PLCB1: variants seen among roughly 807,000 people sequenced by gnomAD.
PLCB1 encodes the protein 1-phosphatidylinositol 4,5-bisphosphate phosphodiesterase beta-1.
Under a neutral mutation model 161.8 loss-of-function variants are expected in PLCB1, and 46 were observed. That is an observed-to-expected ratio of 0.28 (90% CI 0.22 to 0.36). The LOEUF (loss-of-function observed/expected upper bound fraction) is 0.36. PLCB1 is among the 10% of genes least tolerant of loss of function. PLCB1 has a pLI of 1.00. For missense variants in PLCB1, 1,016 were observed against 1,472.5 expected, an observed-to-expected ratio of 0.69 and a Z score of 5.07; for synonymous variants, 517 against 503.7, an observed-to-expected ratio of 1.03 and a Z score of -0.35.
intron 3 of PLCB1, among the ~76,000 whole-genome samples, chr20:8,417,358 C>A (rs187646829): frequency 6.6e-6 from 1 of 150,966 alleles, no homozygotes; most frequent in African/African-American, 2.4e-5. Flanking sequence ...ATATAACATA[C>A]GCACCCACAT....
At position 8,159,543 on chromosome 20, in the gene PLCB1, G is replaced by T. The variant is rs139262957; in HGVS notation, c.177+9172G>T. Among the ~76,000 whole-genome samples, 666 of 152,200 alleles carry T rather than the reference G, an allele frequency of 4.4e-3. 4 individuals are homozygous for T. Among genetic ancestry groups the T allele is most frequent in the South Asian group, 7.7e-3 (37 of 4,824 alleles). ...GTTACTTATGCAAATTTCTGCAGCC[G>T]GCTTGAACTTCTCCTCAGAAAATGG... On this transcript the variant is annotated intron_variant, in intron 2 of 31. Coordinates refer to ENST00000338037, the MANE Select transcript of PLCB1 (RefSeq NM_015192.4).
At chr20:8,390,043 A>T (rs1040338866) in intron 3 of PLCB1, among the ~76,000 whole-genome samples, 2 of 152,180 alleles carry the variant, frequency 1.3e-5, no homozygotes, top group African/African-American at 2.4e-5. Flanking sequence ...ACCACTTTTC[A>T]GTCAAGTTTT....
chr20:8,141,830 G>C (rs1033250862), intron 1 of PLCB1: 1 of 152,116 alleles, frequency 6.6e-6, no homozygotes, highest in Non-Finnish European at 1.5e-5. Context: ...TCTTCTTCTC[G>C]ACATACGTGT....
intron 26 of PLCB1, among the ~76,000 whole-genome samples, chr20:8,768,831 A>T (rs531004493): frequency 6.6e-6 from 1 of 152,214 alleles, no homozygotes; most frequent in Non-Finnish European, 1.5e-5. Flanking sequence ...TTCTATCTCT[A>T]TACAACAAAA....
chr20:8,169,326 A>G (rs533642619), intron 2 of PLCB1, among the ~76,000 whole-genome samples: 3 of 152,296 alleles, frequency 2.0e-5, no homozygotes, highest in Admixed American at 6.5e-5. Context: ...CTTGAACACT[A>G]TGTATCTCTG....
intron 3 of PLCB1, among the ~76,000 whole-genome samples, chr20:8,384,542 C>T (rs1987364667): frequency 6.6e-6 from 1 of 152,062 alleles, no homozygotes; most frequent in Non-Finnish European, 1.5e-5. Flanking sequence ...CCATCTCATC[C>T]TCTGTCCAGT....
intron 3 of PLCB1, among the ~76,000 whole-genome samples, chr20:8,447,794 C>T (rs1045095138): frequency 6.6e-6 from 1 of 152,176 alleles, no homozygotes; most frequent in Non-Finnish European, 1.5e-5. Context: ...TTAGCAGGAA[C>T]TCCTGCAATA....
chr20:8,220,906 C>T (rs1480894852), intron 2 of PLCB1, among the ~76,000 whole-genome samples: 2 of 152,050 alleles, frequency 1.3e-5, no homozygotes, highest in Admixed American at 6.6e-5. Context: ...GTACAATTGG[C>T]CAGACCTTTA....
chr20:8,854,832 C>A (rs1191062567), intron 31 of PLCB1, among the ~76,000 whole-genome samples: 1 of 152,178 alleles, frequency 6.6e-6, no homozygotes, highest in Non-Finnish European at 1.5e-5. Context: ...CTCTGAAGGG[C>A]TAAGAAGCCT....
At chr20:8,851,509 T>C (rs906094729) in intron 31 of PLCB1, among the ~76,000 whole-genome samples, 2 of 152,192 alleles carry the variant, frequency 1.3e-5, no homozygotes, top group Non-Finnish European at 2.9e-5. Flanking sequence ...TTATCCTGTA[T>C]GGTAGTGGGT....
intron 11 of PLCB1, among the ~76,000 whole-genome samples, chr20:8,698,785 C>T (rs1990636526): frequency 6.6e-6 from 1 of 152,090 alleles, no homozygotes; most frequent in Non-Finnish European, 1.5e-5. Context: ...GAGAGGGTAT[C>T]TTAGTAAATC....
intron 3 of PLCB1, among the ~76,000 whole-genome samples, chr20:8,619,487 C>T (rs940947419): frequency 6.6e-6 from 1 of 151,550 alleles, no homozygotes; most frequent in African/African-American, 2.4e-5. Flanking sequence ...TGCATTTTTT[C>T]ATAGCATTCT....
intron 3 of PLCB1, among the ~76,000 whole-genome samples, chr20:8,460,191 T>G (rs73092058): frequency 1.1e-4 from 17 of 152,336 alleles, no homozygotes; most frequent in Non-Finnish European, 2.4e-4. Context: ...TAGTAATTCA[T>G]AGCATTTTTC....
At chr20:8,722,574 T>A (rs1979707781) in intron 15 of PLCB1, among the ~76,000 whole-genome samples, 153 bp downstream of exon 15, 1 of 152,194 alleles carries the variant, frequency 6.6e-6, no homozygotes, top group Non-Finnish European at 1.5e-5. Context: ...AAATGGCTTA[T>A]GAAATGTTCC....
In PLCB1 at chr20:8,212,972, T is replaced by A. The variant is rs6055657; in HGVS notation, c.177+62601T>A. On this transcript the variant is annotated intron_variant, in intron 2 of 31. Coordinates refer to ENST00000338037, the MANE Select transcript of PLCB1 (RefSeq NM_015192.4). ...TATGAAGGAAAACAAAGTTTCTTCC[T>A]TCCTGAGTTCTCTTCCTCCACTCCT... Among the ~76,000 whole-genome samples the A allele has an allele frequency of 1.6e-3, 249 of 152,206 alleles. 3 individuals are homozygous for A. Among genetic ancestry groups the A allele is most frequent in the African/African-American group, 3.9e-3 (161 of 41,550 alleles).
At chr20:8,737,798 C>G (rs191815664) in intron 20 of PLCB1, among the ~76,000 whole-genome samples, 1 of 152,314 alleles carries the variant, frequency 6.6e-6, no homozygotes, top group Non-Finnish European at 1.5e-5. Flanking sequence ...AAAATATCTA[C>G]AAATCCAGTC....
At chr20:8,231,554 T>C (rs1980038689) in intron 2 of PLCB1, among the ~76,000 whole-genome samples, 1 of 152,214 alleles carries the variant, frequency 6.6e-6, no homozygotes, top group South Asian at 2.1e-4. Context: ...TTGGTATACA[T>C]GCTGAATGAA....
intron 9 of PLCB1, among the ~76,000 whole-genome samples, chr20:8,667,654 T>C (rs1989846320): frequency 6.6e-6 from 1 of 152,206 alleles, no homozygotes; most frequent in South Asian, 2.1e-4. Flanking sequence ...ACAGCTGAAA[T>C]GTCCTTTGTT....
intron 4 of PLCB1, among the ~76,000 whole-genome samples, chr20:8,643,466 T>C (rs886109393): frequency 2.6e-4 from 40 of 152,208 alleles, no homozygotes; most frequent in African/African-American, 9.6e-4. Context: ...GATTCCCTCT[T>C]TTCTTCCCCA....
Sources: allele counts gnomAD v4.1 joint callset (sites outside exome capture counted in the v4.1 genomes callset), GRCh38; gene constraint gnomAD v4.1.1; transcripts MANE v1.5; gene names NCBI Gene and HGNC (gene_info 2026-07-23, HGNC 2026-07-21).